Variants in NDUFS4 observed in about 807,000 individuals in gnomAD.
NDUFS4 encodes NADH:ubiquinone oxidoreductase subunit S4, also known as NADH dehydrogenase [ubiquinone] iron-sulfur protein 4, mitochondrial.
A neutral mutation model predicts 24.3 loss-of-function variants in NDUFS4; 28 were observed. That is an observed-to-expected ratio of 1.15 (90% confidence interval 0.85 to 1.58). The LOEUF is 1.58. Among genes scored for constraint, NDUFS4 ranks in the 40% most tolerant of loss-of-function variants. The pLI, the probability that NDUFS4 is intolerant of heterozygous loss-of-function variation, is 0.00. For synonymous variants in NDUFS4, 93 were observed against 69.7 expected (o/e 1.34, Z -1.67); for missense variants, 223 against 207.9 (o/e 1.07, Z -0.45).
In NDUFS4 at chr5:53,633,008, G is replaced by C. The variant is rs115200883; in HGVS notation, c.178-13225G>C. The stretch of plus-strand genomic sequence containing the variant: ...ATACTACATATGTGGCTTAATTAAG[G>C]CTTCATTTTAGTATATTGCCAGACT... On this transcript the variant is annotated intron_variant, in intron 2 of 4. Transcript: ENST00000296684. 7.5e-3 allele frequency among the ~76,000 whole-genome samples: 1,147 copies of C among 152,158 alleles called. 17 individuals carry two copies. The highest frequency in any genetic ancestry group is 0.026 in the African/African-American group (1,071 of 41,524).
At chr5:53,613,104 C>T (rs1357205514) in intron 2 of NDUFS4, among the ~76,000 whole-genome samples, 8 of 151,568 alleles carry the variant, frequency 5.3e-5, no homozygotes, top group African/African-American at 1.9e-4. Flanking sequence ...TTTTTTTTCC[C>T]CCTCTAAGGG....
At chr5:53,604,222 C>G (rs1453849456) in intron 2 of NDUFS4, among the ~76,000 whole-genome samples, 1 of 152,100 alleles carries the variant, frequency 6.6e-6, no homozygotes, top group Non-Finnish European at 1.5e-5. Flanking sequence ...TATATGTGTG[C>G]TTTTCATTTT....
intron 1 of NDUFS4, among the ~76,000 whole-genome samples, chr5:53,586,147 G>A (rs758892573): frequency 1.3e-5 from 2 of 151,644 alleles, no homozygotes; most frequent in Non-Finnish European, 2.9e-5. Flanking sequence ...TGACTAACAC[G>A]GCGAAACCCC....
At chr5:53,581,848 CAA>C (rs1411610660) in intron 1 of NDUFS4, among the ~76,000 whole-genome samples, 3 of 152,074 alleles carry the variant, frequency 2.0e-5, no homozygotes, top group Non-Finnish European at 4.4e-5. Flanking sequence ...TGATATAAAA[CAA>C]GAGTTAAAAA....
chr5:53,584,948 A>G (rs1749697526), intron 1 of NDUFS4, among the ~76,000 whole-genome samples: 2 of 152,002 alleles, frequency 1.3e-5, no homozygotes, highest in South Asian at 2.1e-4. Flanking sequence ...TTCTATTTTT[A>G]GTAGAGATGG....
intron 2 of NDUFS4, among the ~76,000 whole-genome samples, chr5:53,640,176 G>A (rs980305453): frequency 3.9e-5 from 6 of 152,030 alleles, no homozygotes; most frequent in African/African-American, 1.4e-4. Flanking sequence ...ATTACTGAGG[G>A]GCTGAAGTGG....
intron 2 of NDUFS4, among the ~76,000 whole-genome samples, chr5:53,614,035 A>G (rs1750774646): frequency 6.6e-6 from 1 of 151,988 alleles, no homozygotes; most frequent in South Asian, 2.1e-4. Flanking sequence ...ATGAACTAAT[A>G]TTAAAAGTTT....
chr5:53,640,716 G>A (rs1049377919), intron 2 of NDUFS4, among the ~76,000 whole-genome samples: 1 of 152,080 alleles, frequency 6.6e-6, no homozygotes, highest in Non-Finnish European at 1.5e-5. Flanking sequence ...AAAACCTCCC[G>A]TTAGGCCCCA....
intron 2 of NDUFS4, among the ~76,000 whole-genome samples, chr5:53,635,211 A>ATAAATAAC (rs1223335904): frequency 2.6e-5 from 4 of 151,418 alleles, no homozygotes; most frequent in African/African-American, 7.3e-5. Flanking sequence ...AAATAAATAA[A>ATAAATAAC]TAACCAACCA....
chr5:53,678,291 A>C (rs1277517329), intron 4 of NDUFS4, among the ~76,000 whole-genome samples: 1 of 152,222 alleles, frequency 6.6e-6, no homozygotes, highest in African/African-American at 2.4e-5. Context: ...ACTAGGGCTT[A>C]AAGTTCAGAC....
chr5:53,630,150 G>T (rs1488675732), intron 2 of NDUFS4, among the ~76,000 whole-genome samples: 2 of 152,136 alleles, frequency 1.3e-5, no homozygotes, highest in Non-Finnish European at 2.9e-5. Flanking sequence ...GCTTAATTTG[G>T]CTGGGTATGA....
intron 2 of NDUFS4, among the ~76,000 whole-genome samples, chr5:53,608,557 A>G (rs1017436453): frequency 2.0e-5 from 3 of 152,226 alleles, no homozygotes; most frequent in Non-Finnish European, 4.4e-5. Context: ...CATTTCAGCA[A>G]CGTTCACAGT....
At chr5:53,599,672 T>C (rs1750248553) in intron 1 of NDUFS4, among the ~76,000 whole-genome samples, 1 of 152,172 alleles carries the variant, frequency 6.6e-6, no homozygotes, top group Admixed American at 6.5e-5. Flanking sequence ...TTCTTTTACC[T>C]CTTTTAGATG....
At chr5:53,593,318 A>G (rs1750032970) in intron 1 of NDUFS4, among the ~76,000 whole-genome samples, 1 of 151,802 alleles carries the variant, frequency 6.6e-6, no homozygotes. Context: ...GTGAGCTTAG[A>G]GTTGTTCATA....
intron 4 of NDUFS4, among the ~76,000 whole-genome samples, chr5:53,675,415 G>GCCTCCCAAAGTGCTGGGA (rs1417129825): frequency 6.6e-6 from 1 of 152,064 alleles, no homozygotes; most frequent in Non-Finnish European, 1.5e-5. Context: ...GCCCGCCTTG[G>GCCTCCCAAAGTGCTGGGA]CCTCCCAAAG....
At chr5:53,639,160 AT>A (rs942147116) in intron 2 of NDUFS4, among the ~76,000 whole-genome samples, 75 of 151,284 alleles carry the variant, frequency 5.0e-4, no homozygotes, top group African/African-American at 1.6e-3. Context: ...CCTTTATTGC[AT>A]TTTTTTTGTA....
At chr5:53,667,587 A>T (rs1051239366) in intron 4 of NDUFS4, among the ~76,000 whole-genome samples, 6 of 152,102 alleles carry the variant, frequency 3.9e-5, no homozygotes, top group South Asian at 4.1e-4. Flanking sequence ...ATAGTAGTGA[A>T]GGACATGCAA....
At chr5:53,672,274 T>A (rs968356522) in intron 4 of NDUFS4, among the ~76,000 whole-genome samples, 2 of 151,894 alleles carry the variant, frequency 1.3e-5, no homozygotes, top group African/African-American at 4.8e-5. Flanking sequence ...GAATCATGAC[T>A]TTCATATAGG....
chr5:53,627,059 A>G lies in NDUFS4; in HGVS notation c.178-19174A>G, dbSNP rs1232127729. Among the ~76,000 whole-genome samples the G allele has an allele frequency of 9.2e-5, 14 of 152,264 alleles. No homozygotes were observed. In the East Asian group the frequency reaches 2.5e-3, roughly 27 times the overall value. On this transcript the variant is annotated intron_variant, in intron 2 of 4. Coordinates refer to ENST00000296684, the MANE Select transcript of NDUFS4 (RefSeq NM_002495.4). ...TAATTTATCTTGAGTTAACTTTTGT[A>G]TAAGGTGTAAGGAAGGGATCCAGTT... is the stretch of plus-strand genomic sequence containing the variant.
Sources: gnomAD v4.1 joint callset for allele counts (sites outside exome capture counted in the v4.1 genomes callset) on GRCh38, gnomAD v4.1.1 for gene constraint, MANE v1.5 for transcripts, NCBI Gene and HGNC (gene_info 2026-07-23, HGNC 2026-07-21) for gene names.